HNRNPD: variants seen among roughly 807,000 people sequenced by gnomAD.
HNRNPD encodes the protein heterogeneous nuclear ribonucleoprotein D0.
A neutral mutation model predicts 47.9 loss-of-function variants in HNRNPD; 3 were observed. The observed-to-expected ratio is 0.06, with a 90% CI of 0.03 to 0.16. The LOEUF (loss-of-function observed/expected upper bound fraction) is 0.16. HNRNPD is among the 10% of genes least tolerant of loss of function. The pLI is 1.00. For synonymous variants in HNRNPD, 171 were observed against 165.1 expected, an observed-to-expected ratio of 1.04 and a Z score of -0.28; for missense variants, 287 against 454.2, an observed-to-expected ratio of 0.63 and a Z score of 3.35.
intron 1 of HNRNPD, chr4:82,373,174 G>T: frequency 1.5e-6 from 1 of 654,750 alleles, no homozygotes; most frequent in East Asian, 3.1e-5. Flanking sequence ...GAGACCCATG[G>T]CGAGGGAGGA....
chr4:82,364,199 G>A (rs935807003), intron 2 of HNRNPD, among the ~76,000 whole-genome samples: 1 of 151,970 alleles, frequency 6.6e-6, no homozygotes, highest in Non-Finnish European at 1.5e-5. Flanking sequence ...TCCAACTCCT[G>A]GGCTCAAGCT....
At chr4:82,358,877 C>A (rs2109991248) in intron 3 of HNRNPD, 57 bp from the exon 4 acceptor site, 3 of 1,249,478 alleles carry the variant, frequency 2.4e-6, no homozygotes, top group Non-Finnish European at 2.2e-6. Context: ...AGTTCAGAGA[C>A]TATTAACTTA....
At chr4:82,356,050 TG>T (rs1355295357) in intron 7 of HNRNPD, 2 of 153,626 alleles carry the variant, frequency 1.3e-5, no homozygotes, top group African/African-American at 4.8e-5. Context: ...AGTTGCACAA[TG>T]AAGTCAGGGC....
At chr4:82,367,254 T>A (rs758099360) in intron 2 of HNRNPD, among the ~76,000 whole-genome samples, 1 of 152,140 alleles carries the variant, frequency 6.6e-6, no homozygotes, top group Non-Finnish European at 1.5e-5. Flanking sequence ...AAATAAGCTC[T>A]CAATCAGCTT....
rs1723544430 is a variant in HNRNPD at position 82,352,638 on chromosome 4, A to G, written c.*1547T>C. Reference sequence around the variant, plus strand: ...TCAGCAAACTTTTCTGTAAAGGGCCAGACTGTAAATTATTTTGCTTTGCAG... The same window carrying G: ...TCAGCAAACTTTTCTGTAAAGGGCCGGACTGTAAATTATTTTGCTTTGCAG... On this transcript the variant is annotated 3_prime_UTR_variant, in exon 9 of 9. Coordinates refer to ENST00000313899, the MANE Select transcript of HNRNPD (RefSeq NM_031370.3). 1 of 152,226 alleles carries G rather than the reference A, an allele frequency of 6.6e-6. No homozygotes were observed. Among genetic ancestry groups the G allele is most frequent in the African/African-American group, 2.4e-5 (1 of 41,456 alleles). 9.4% of individuals were successfully genotyped at this position (152,226 alleles called of 1,614,324 possible).
At chr4:82,371,385 T>G in intron 2 of HNRNPD, 143 bp downstream of exon 2, 1 of 562,178 alleles carries the variant, frequency 1.8e-6, no homozygotes, top group Non-Finnish European at 3.1e-6. Flanking sequence ...CTATAAAAGG[T>G]ATATATCCCA....
At position 82,370,558 on chromosome 4, in the gene HNRNPD, T is replaced by C. The variant is rs536337695; in HGVS notation, c.290+970A>G. Among the ~76,000 whole-genome samples the C allele has an allele frequency of 2.1e-4, 32 of 152,258 alleles. No individual in the cohort carries two copies. In the South Asian group the frequency reaches 6.6e-3, roughly 32 times the overall value. ...TTTTTCCTCTTTTTTGCTTTTCCCC[T>C]TGCCTGTTTCCCATCTGCTTTTTCT... On this transcript the variant is annotated intron_variant, in intron 2 of 8. Coordinates refer to ENST00000313899, the MANE Select transcript of HNRNPD (RefSeq NM_031370.3).
At chr4:82,363,143 C>A (rs1719574307) in intron 2 of HNRNPD, among the ~76,000 whole-genome samples, 1 of 151,808 alleles carries the variant, frequency 6.6e-6, no homozygotes, top group Non-Finnish European at 1.5e-5. Flanking sequence ...ATGGCATGAT[C>A]TAGGCTCACT....
At chr4:82,360,650 A>G (rs1420523299) in intron 2 of HNRNPD, among the ~76,000 whole-genome samples, 1 of 152,112 alleles carries the variant, frequency 6.6e-6, no homozygotes, top group East Asian at 1.9e-4. Flanking sequence ...TCTTCTTTTT[A>G]ACTGGGGAAG....
intron 8 of HNRNPD, 72 bp downstream of exon 8, chr4:82,355,232 T>C (rs1578044946): frequency 1.2e-6 from 1 of 830,372 alleles, no homozygotes; most frequent in South Asian, 1.5e-5. Flanking sequence ...AATTAAGCAT[T>C]GTTTTATGAA....
chr4:82,365,598 A>G (rs1359203280), intron 2 of HNRNPD, among the ~76,000 whole-genome samples: 1 of 152,022 alleles, frequency 6.6e-6, no homozygotes, highest in African/African-American at 2.4e-5. Flanking sequence ...CTGATCTGGT[A>G]TAAAATTCAT....
In HNRNPD at chr4:82,353,339, A is replaced by AT. The variant is rs1723583357; in HGVS notation, c.*845dup. 6.6e-6 allele frequency: 1 copy of AT among 152,306 alleles called. No homozygotes were observed. Among genetic ancestry groups the AT allele is most frequent in the Admixed American group, 6.5e-5 (1 of 15,296 alleles). The allele number at this position is 152,306 out of a possible 1,614,324, so 9.4% of individuals were successfully genotyped here. On this transcript the variant is annotated 3_prime_UTR_variant, in exon 9 of 9. Transcript: ENST00000313899. Reference sequence around the variant, plus strand: ...AAGCACACACACATAAACACGGTATATATTTCTTTAATCCTCCCTCAACAC... The same window carrying AT: ...AAGCACACACACATAAACACGGTATATTATTTCTTTAATCCTCCCTCAACAC...
intron 1 of HNRNPD, chr4:82,373,179 G>GGA: frequency 1.5e-6 from 1 of 661,940 alleles, no homozygotes; most frequent in South Asian, 1.5e-5. Context: ...CCATGGCGAG[G>GGA]GAGGAAAGGA....
At position 82,362,393 on chromosome 4, in the gene HNRNPD, GTATTAA is replaced by G. The variant is rs1719503283; in HGVS notation, c.291-2760_291-2755del. Among the ~76,000 whole-genome samples the G allele has an allele frequency of 1.2e-4, 18 of 151,980 alleles. No individual in the cohort carries two copies. The South Asian group carries it at 3.3e-3, about 28-fold the overall frequency. ...TAAGTGGCTCGTCTTTGAGACAAAC[GTATTAA>G]TATTTTGGCAGCCCAAGAACACTCT... On this transcript the variant is annotated intron_variant, in intron 2 of 8. Transcript: ENST00000313899.
intron 4 of HNRNPD, 86 bp from the exon 5 acceptor site, chr4:82,357,530 C>G: frequency 8.9e-7 from 1 of 1,128,372 alleles, no homozygotes; most frequent in Non-Finnish European, 1.2e-6. Context: ...GGAAAACACA[C>G]AAAGAAAACA....
At position 82,373,973 on chromosome 4, in the gene HNRNPD, A is replaced by G; in HGVS notation, c.-295T>C. 3.1e-6 allele frequency: 2 copies of G among 650,918 alleles called. No homozygotes were observed. The highest frequency in any genetic ancestry group is 3.3e-5 in the East Asian group (1 of 29,862). 40.3% of individuals were successfully genotyped at this position (650,918 alleles called of 1,614,324 possible). A position where few individuals can be genotyped will look rare whatever the true frequency, so the allele number is the denominator to read the frequency against. On this transcript the variant is annotated 5_prime_UTR_variant, in exon 1 of 9. Transcript: ENST00000313899. The stretch of plus-strand genomic sequence containing the variant: ...CCTCGCTTTAATGGCGCCGCCGCGG[A>G]CCACCTAAAATGGCCGACGGAAGAA...
chr4:82,370,416 T>C (rs1301821210), intron 2 of HNRNPD, among the ~76,000 whole-genome samples: 1 of 152,164 alleles, frequency 6.6e-6, no homozygotes, highest in Non-Finnish European at 1.5e-5. Flanking sequence ...TGTCAAATAG[T>C]TTATAGTTTA....
At chr4:82,363,107 C>A (rs1438782814) in intron 2 of HNRNPD, among the ~76,000 whole-genome samples, 2 of 151,794 alleles carry the variant, frequency 1.3e-5, no homozygotes. Flanking sequence ...AACAGAGTCT[C>A]ACTCTGTCGC....
In HNRNPD at chr4:82,373,691, T is replaced by TCCGCCGCTGCCGCCGAGACTACAC. The variant is rs1255314205; in HGVS notation, c.-37_-14dup. On this transcript the variant is annotated 5_prime_UTR_variant, in exon 1 of 9. Coordinates refer to ENST00000313899, the MANE Select transcript of HNRNPD (RefSeq NM_031370.3). ...GCTCCTCCGACATAGTGCTAGTGTC[T>TCCGCCGCTGCCGCCGAGACTACAC]CCGCCGCTGCCGCCGAGACTACACC... The TCCGCCGCTGCCGCCGAGACTACAC allele has an allele frequency of 9.4e-6, 14 of 1,493,248 alleles. No individual in the cohort carries two copies. The African/African-American group carries it at 1.1e-4, about 12-fold the overall frequency. 92.5% of individuals were successfully genotyped at this position (1,493,248 alleles called of 1,614,324 possible). A position where few individuals can be genotyped will look rare whatever the true frequency, so the allele number is the denominator to read the frequency against.
Sources: allele counts gnomAD v4.1 joint callset (sites outside exome capture counted in the v4.1 genomes callset), GRCh38; gene constraint gnomAD v4.1.1; transcripts MANE v1.5; gene names NCBI Gene and HGNC (gene_info 2026-07-23, HGNC 2026-07-21).